EXT1: variants seen among roughly 807,000 people sequenced by gnomAD.
The protein encoded by EXT1 is exostosin glycosyltransferase 1.
A neutral mutation model predicts 82.5 loss-of-function variants in EXT1; 20 were observed. That is an observed-to-expected ratio of 0.24 (90% CI 0.17 to 0.35). The LOEUF (loss-of-function observed/expected upper bound fraction) is 0.35, where lower values mean the gene tolerates loss of function less well. Among genes scored for constraint, EXT1 ranks in the 10% least tolerant of loss-of-function variants. The probability of loss-of-function intolerance (pLI) is 1.00; values close to 1 mark genes in which losing one functional copy is unlikely to be tolerated. For missense variants in EXT1, 757 were observed against 936.5 expected (o/e 0.81, Z 2.50); for synonymous variants, 348 against 350.8 (o/e 0.99, Z 0.09).
intron 1 of EXT1, among the ~76,000 whole-genome samples, chr8:117,992,773 A>T (rs1815461628): frequency 6.6e-6 from 1 of 152,234 alleles, no homozygotes; most frequent in Non-Finnish European, 1.5e-5. Flanking sequence ...GAGGATCGCC[A>T]TAACAAGGTG....
intron 1 of EXT1, among the ~76,000 whole-genome samples, chr8:117,855,738 G>T (rs1440539333): frequency 2.6e-5 from 4 of 152,074 alleles, no homozygotes; most frequent in African/African-American, 9.7e-5. Flanking sequence ...GTGCGATCTC[G>T]GCTCACTGCA....
Position 117,818,550 on chromosome 8 carries a change from T to C in EXT1, c.1537-20A>G. The C allele has an allele frequency of 1.9e-6, 3 of 1,589,098 alleles. No homozygotes were observed. Among genetic ancestry groups the C allele is most frequent in the Non-Finnish European group, 2.6e-6 (3 of 1,157,306 alleles). On this transcript the variant is annotated intron_variant, in intron 6 of 10. Transcript: ENST00000378204. ...TATGATCTGAAAGGGATGGGGCTCA[T>C]TAGATGGCTGGGGTAGGATGTATTT...
intron 1 of EXT1, among the ~76,000 whole-genome samples, chr8:117,976,644 G>C (rs1013588139): frequency 2.0e-5 from 3 of 152,216 alleles, no homozygotes; most frequent in African/African-American, 7.2e-5. Flanking sequence ...GAATGAACCT[G>C]GTGGTAATTA....
rs1420839376 is a variant in EXT1 at position 118,100,566 on chromosome 8, G to A, written c.962+9519C>T. The stretch of plus-strand genomic sequence containing the variant: ...AGATCGAGACCATCCTGGCTAACAC[G>A]GTGAAACCCTGTCTATTCAAAATAC... On this transcript the variant is annotated intron_variant, in intron 1 of 10. Coordinates refer to ENST00000378204, the MANE Select transcript of EXT1 (RefSeq NM_000127.3). 5.3e-5 allele frequency among the ~76,000 whole-genome samples: 8 copies of A among 152,152 alleles called. No homozygotes were observed. In the South Asian group the frequency reaches 6.2e-4, roughly 12 times the overall value.
At chr8:118,024,074 A>T (rs1463814750) in intron 1 of EXT1, among the ~76,000 whole-genome samples, 1 of 152,216 alleles carries the variant, frequency 6.6e-6, no homozygotes, top group Non-Finnish European at 1.5e-5. Context: ...TATCTCCTGG[A>T]TGCCCCATTA....
At chr8:117,958,095 A>T (rs1301842173) in intron 1 of EXT1, among the ~76,000 whole-genome samples, 1 of 147,302 alleles carries the variant, frequency 6.8e-6, no homozygotes, top group Non-Finnish European at 1.5e-5. Flanking sequence ...TACCCACCTC[A>T]AGAGTTCCTG....
chr8:117,903,889 G>A (rs1307992942), intron 1 of EXT1, among the ~76,000 whole-genome samples: 5 of 152,212 alleles, frequency 3.3e-5, no homozygotes, highest in Admixed American at 6.5e-5. Context: ...CAGAAGCTGG[G>A]AACAGTCAAA....
intron 1 of EXT1, among the ~76,000 whole-genome samples, chr8:117,875,695 C>T (rs551275747): frequency 1.3e-4 from 19 of 151,940 alleles, no homozygotes; most frequent in Admixed American, 9.8e-4. Context: ...TATCCGTTGC[C>T]AAGTACCATC....
At chr8:118,012,595 C>T (rs896871387) in intron 1 of EXT1, among the ~76,000 whole-genome samples, 3 of 152,238 alleles carry the variant, frequency 2.0e-5, no homozygotes, top group Non-Finnish European at 4.4e-5. Context: ...AGACACCTGG[C>T]TGAAATTCCA....
chr8:117,881,663 T>C (rs921043747), intron 1 of EXT1, among the ~76,000 whole-genome samples: 5 of 152,328 alleles, frequency 3.3e-5, no homozygotes, highest in Non-Finnish European at 5.9e-5. Flanking sequence ...AAAGACTATA[T>C]TGGGAAACTC....
intron 1 of EXT1, among the ~76,000 whole-genome samples, chr8:117,869,032 G>C (rs2129885712): frequency 6.6e-6 from 1 of 152,190 alleles, no homozygotes; most frequent in South Asian, 2.1e-4. Flanking sequence ...CTCACTTTTT[G>C]CACAACTCTA....
At chr8:117,911,939 G>C (rs1813655388) in intron 1 of EXT1, among the ~76,000 whole-genome samples, 1 of 152,072 alleles carries the variant, frequency 6.6e-6, no homozygotes, top group Non-Finnish European at 1.5e-5. Context: ...TTTCTCACGG[G>C]AGCTATGTTT....
chr8:117,988,094 A>G (rs17476219), intron 1 of EXT1, among the ~76,000 whole-genome samples: 4,149 of 152,298 alleles, frequency 0.027, 202 homozygotes, highest in African/African-American at 0.09. Flanking sequence ...TCACAAATAA[A>G]TAAATACATA....
At chr8:117,969,138 C>A (rs1814888931) in intron 1 of EXT1, among the ~76,000 whole-genome samples, 3 of 152,156 alleles carry the variant, frequency 2.0e-5, no homozygotes, top group Non-Finnish European at 4.4e-5. Context: ...GGGTCCAAAT[C>A]TTTTATGAGA....
At chr8:118,064,176 TTTTC>T (rs1816935103) in intron 1 of EXT1, among the ~76,000 whole-genome samples, 1 of 151,848 alleles carries the variant, frequency 6.6e-6, no homozygotes, top group South Asian at 2.1e-4. Context: ...TACACACTTT[TTTTC>T]TTTTTCTTTT....
intron 1 of EXT1, among the ~76,000 whole-genome samples, chr8:118,085,336 G>A (rs941056315): frequency 6.6e-6 from 1 of 152,134 alleles, no homozygotes; most frequent in African/African-American, 2.4e-5. Flanking sequence ...TTGCCATTTT[G>A]TTATTAAAGC....
chr8:118,019,403 G>C (rs1174642477), intron 1 of EXT1, among the ~76,000 whole-genome samples: 1 of 151,410 alleles, frequency 6.6e-6, no homozygotes, highest in East Asian at 1.9e-4. Flanking sequence ...TGTGGACAGA[G>C]AGAAAGACAG....
intron 1 of EXT1, among the ~76,000 whole-genome samples, chr8:118,023,097 T>C (rs1343803183): frequency 6.6e-6 from 1 of 152,146 alleles, no homozygotes; most frequent in African/African-American, 2.4e-5. Context: ...AAATAACCAA[T>C]TGTAAGTATT....
chr8:117,914,612 G>A (rs761907922), intron 1 of EXT1, among the ~76,000 whole-genome samples: 2 of 152,082 alleles, frequency 1.3e-5, no homozygotes, highest in Non-Finnish European at 2.9e-5. Context: ...CATTCCTAGG[G>A]GGAGGTCTAT....
Sources: allele counts gnomAD v4.1 joint callset (sites outside exome capture counted in the v4.1 genomes callset), GRCh38; gene constraint gnomAD v4.1.1; transcripts MANE v1.5; gene names NCBI Gene and HGNC (gene_info 2026-07-23, HGNC 2026-07-21).